The following IL20RB variants were observed in gnomAD, a reference collection of about 807,000 sequenced individuals.
IL20RB encodes the protein interleukin 20 receptor subunit beta, also known as interleukin-20 receptor subunit beta.
In IL20RB, 21 loss-of-function variants were observed where a neutral mutation model predicts 33.3. That is an observed-to-expected ratio of 0.63 (90% confidence interval 0.45 to 0.91). The LOEUF is 0.91. Among genes scored for constraint, IL20RB ranks in the 40% least tolerant of loss-of-function variants. The probability of loss-of-function intolerance (pLI) is 0.00; values close to 1 mark genes in which losing one functional copy is unlikely to be tolerated. For missense variants in IL20RB, 345 were observed against 384.8 expected, an observed-to-expected ratio of 0.90 and a Z score of 0.86; for synonymous variants, 147 against 146.8, an observed-to-expected ratio of 1.00 and a Z score of -0.01.
intron 3 of IL20RB, among the ~76,000 whole-genome samples, chr3:136,987,238 G>C (rs1011668338): frequency 6.6e-6 from 1 of 152,120 alleles, no homozygotes; most frequent in African/African-American, 2.4e-5. Flanking sequence ...GCGCTGATTC[G>C]TGCGTTTACA....
chr3:137,009,994 T>C lies in IL20RB; in HGVS notation c.826-119T>C, dbSNP rs1933042822. ...TGATCTAGGGCTTGAAATTGTTTTT[T>C]GGTTTTTGTTTTTGCTGCTTGGAAA... On this transcript the variant is annotated intron_variant, in intron 6 of 6. Coordinates refer to ENST00000329582, the MANE Select transcript of IL20RB (RefSeq NM_144717.4). 10 of 625,316 alleles carry C rather than the reference T, an allele frequency of 1.6e-5. No homozygotes were observed. The East Asian group carries it at 2.8e-4, about 18-fold the overall frequency. The allele number at this position is 625,316 out of a possible 1,614,324, so 38.7% of individuals were successfully genotyped here. A position where few individuals can be genotyped will look rare whatever the true frequency, so the allele number is the denominator to read the frequency against.
intron 4 of IL20RB, 150 bp downstream of exon 4, chr3:136,989,715 A>C: frequency 2.5e-6 from 2 of 784,868 alleles, no homozygotes; most frequent in East Asian, 5.7e-5. Context: ...TATGCTGACC[A>C]CCCCATCAGC....
At chr3:137,005,804 A>G (rs1384354931) in intron 6 of IL20RB, among the ~76,000 whole-genome samples, 2 of 152,192 alleles carry the variant, frequency 1.3e-5, no homozygotes, top group South Asian at 2.1e-4. Context: ...TGATCCTGTC[A>G]TTATGATGTT....
Position 137,010,241 on chromosome 3 carries a change from GGT to G in IL20RB, c.*20_*21del. ...TCTCATAGGTTTGCGGAAGGGCCCA[GGT>G]GAAGCCGAGAACCTGGTCTGCATGA... On this transcript the variant is annotated 3_prime_UTR_variant, in exon 7 of 7. Coordinates refer to ENST00000329582, the MANE Select transcript of IL20RB (RefSeq NM_144717.4). 8.2e-7 allele frequency: 1 copy of G among 1,214,342 alleles called. No individual in the cohort carries two copies. Among genetic ancestry groups the G allele is most frequent in the Non-Finnish European group, 1.2e-6 (1 of 816,384 alleles). The allele number at this position is 1,214,342 out of a possible 1,614,324, so 75.2% of individuals were successfully genotyped here. A position where few individuals can be genotyped will look rare whatever the true frequency, so the allele number is the denominator to read the frequency against.
chr3:137,005,883 G>A (rs1273113947), intron 6 of IL20RB, among the ~76,000 whole-genome samples: 1 of 152,214 alleles, frequency 6.6e-6, no homozygotes, highest in African/African-American at 2.4e-5. Context: ...TATTTGGCAT[G>A]TTTTTGCAGT....
Position 136,972,767 on chromosome 3 carries a change from TA to T in IL20RB, c.89-7698del, listed in dbSNP as rs573317602. Among the ~76,000 whole-genome samples the T allele has an allele frequency of 2.3e-3, 349 of 152,132 alleles. 1 individual carries two copies. Among genetic ancestry groups the T allele is most frequent in the African/African-American group, 7.3e-3 (303 of 41,510 alleles). On this transcript the variant is annotated intron_variant, in intron 1 of 6. Transcript: ENST00000329582. ...ATTTTTTTTTTTCATTTTCTTGATGTATTTTTTTTAGTCTCTATTCCATTAA... is the reference window on the plus strand; with the variant it reads ...ATTTTTTTTTTTCATTTTCTTGATGTTTTTTTTTAGTCTCTATTCCATTAA...
rs1353374561 is a variant in IL20RB at position 136,958,186 on chromosome 3, C to A, written c.73C>A (p.Pro25Thr). 1.2e-6 allele frequency: 2 copies of A among 1,604,950 alleles called. No individual in the cohort carries two copies. Among genetic ancestry groups the A allele is most frequent in the Non-Finnish European group, 1.7e-6 (2 of 1,171,776 alleles). The change falls in exon 1 of 7, where the codon CCA becomes ACA. Residue 25 changes from proline (P) to threonine (T), a missense_variant. Physicochemically the swap from Pro to Thr is conservative, Grantham distance 38 (BLOSUM62 -1). Coordinates refer to ENST00000329582, the MANE Select transcript of IL20RB (RefSeq NM_144717.4). ...LFMWFFYALI[P>T]CLLTDEVAIL... ...CATGTGGTTTTTCTACGCATTGATTCCATGTTTGCTCACAGGTAAGTATGA... is the reference window on the plus strand; with the variant it reads ...CATGTGGTTTTTCTACGCATTGATTACATGTTTGCTCACAGGTAAGTATGA...
chr3:136,980,337 G>A (rs767602992), intron 1 of IL20RB, 129 bp from the exon 2 acceptor site: 1 of 968,792 alleles, frequency 1.0e-6, no homozygotes, highest in Non-Finnish European at 1.6e-6. Flanking sequence ...CTAGGCTGGA[G>A]TGCAGTGGTG....
At chr3:136,984,334 C>A (rs1282569102) in intron 3 of IL20RB, among the ~76,000 whole-genome samples, 1 of 151,916 alleles carries the variant, frequency 6.6e-6, no homozygotes, top group Non-Finnish European at 1.5e-5. Flanking sequence ...CCTGGATGGG[C>A]CCTTGAGAAA....
intron 1 of IL20RB, among the ~76,000 whole-genome samples, chr3:136,963,369 C>T (rs1577006995): frequency 6.6e-6 from 1 of 152,194 alleles, no homozygotes; most frequent in Non-Finnish European, 1.5e-5. Flanking sequence ...AACTGCCAAA[C>T]TATTTTGAAA....
chr3:136,986,341 G>A (rs566271406), intron 3 of IL20RB, among the ~76,000 whole-genome samples: 1 of 152,312 alleles, frequency 6.6e-6, no homozygotes, highest in African/African-American at 2.4e-5. Context: ...ATAGGACAGA[G>A]GTTCCTGCCC....
At chr3:136,958,654 C>A (rs12054218) in intron 1 of IL20RB, among the ~76,000 whole-genome samples, 2 of 151,866 alleles carry the variant, frequency 1.3e-5, no homozygotes, top group Admixed American at 6.6e-5. Context: ...TTGGATTTCT[C>A]TACTGGTCAT....
chr3:137,003,123 G>A (rs908831820), intron 6 of IL20RB, among the ~76,000 whole-genome samples: 22 of 152,110 alleles, frequency 1.4e-4, no homozygotes, highest in Non-Finnish European at 3.1e-4. Flanking sequence ...TGTTCCATTT[G>A]TCTATATCTC....
At chr3:136,997,888 A>G (rs1435565827) in intron 6 of IL20RB, among the ~76,000 whole-genome samples, 1 of 151,792 alleles carries the variant, frequency 6.6e-6, no homozygotes, top group Non-Finnish European at 1.5e-5. Flanking sequence ...ATCCTGACTC[A>G]GCCTCCTGAG....
rs764570175 is a variant in IL20RB, at chr3:136,977,140, CATGAT to C, written c.89-3325_89-3321del. 2.8e-3 allele frequency among the ~76,000 whole-genome samples: 433 copies of C among 152,338 alleles called. 2 individuals are homozygous for C. Among genetic ancestry groups the C allele is most frequent in the Non-Finnish European group, 5.2e-3 (351 of 68,020 alleles). On this transcript the variant is annotated intron_variant, in intron 1 of 6. Transcript: ENST00000329582. The stretch of plus-strand genomic sequence containing the variant: ...TGTATTCAAAGTGTGACTGTATATA[CATGAT>C]TTCGGTTCTTCTAAGTGGAGGAGGT...
At chr3:136,977,367 C>G (rs1941644927) in intron 1 of IL20RB, among the ~76,000 whole-genome samples, 1 of 152,164 alleles carries the variant, frequency 6.6e-6, no homozygotes, top group Admixed American at 6.5e-5. Context: ...GTTGAATCTT[C>G]TAATGCATGA....
chr3:136,969,573 C>G (rs1941416548), intron 1 of IL20RB, among the ~76,000 whole-genome samples: 1 of 148,236 alleles, frequency 6.7e-6, no homozygotes, highest in African/African-American at 2.5e-5. Flanking sequence ...GGTGCGCACA[C>G]ACACTGGCCT....
Position 136,995,445 on chromosome 3 carries a change from T to G in IL20RB, c.714T>G (p.Phe238Leu). 2.5e-6 allele frequency: 4 copies of G among 1,614,196 alleles called. No homozygotes were observed. The highest frequency in any genetic ancestry group is 3.4e-6 in the Non-Finnish European group (4 of 1,180,032). The change falls in exon 6 of 7, where the codon TTT becomes TTG. Residue 238 changes from phenylalanine to leucine, a missense_variant. Coordinates refer to ENST00000329582, the MANE Select transcript of IL20RB (RefSeq NM_144717.4). Reference sequence around the variant, plus strand: ...CCATTCCCCTGGTACTGGCCCTGTTTGCCTTTGTTGGCTTCATGCTGATCC... The same window carrying G: ...CCATTCCCCTGGTACTGGCCCTGTTGGCCTTTGTTGGCTTCATGCTGATCC... ...GEAIPLVLAL[F>L]AFVGFMLILV...
At chr3:136,979,537 A>G (rs1191858939) in intron 1 of IL20RB, among the ~76,000 whole-genome samples, 4 of 152,210 alleles carry the variant, frequency 2.6e-5, no homozygotes, top group Non-Finnish European at 5.9e-5. Context: ...ACATGTGAGG[A>G]TGAAGTTTTT....
Sources: allele counts gnomAD v4.1 joint callset (sites outside exome capture counted in the v4.1 genomes callset), GRCh38; gene constraint gnomAD v4.1.1; transcripts MANE v1.5; gene names NCBI Gene and HGNC (gene_info 2026-07-23, HGNC 2026-07-21).